The following CIC variants were observed in gnomAD, a reference collection of about 807,000 sequenced individuals.
CIC encodes capicua transcriptional repressor.
In CIC, 18 loss-of-function variants were observed where a neutral mutation model predicts 115.7. The observed-to-expected ratio is 0.16, with a 90% CI of 0.11 to 0.23. CIC has a LOEUF of 0.23. CIC is among the 10% of genes least tolerant of loss of function. The probability of loss-of-function intolerance (pLI) is 1.00; values close to 1 mark genes in which losing one functional copy is unlikely to be tolerated. For synonymous variants in CIC, 1,076 were observed against 923.0 expected, an observed-to-expected ratio of 1.17 and a Z score of -3.01; for missense variants, 2,000 against 2,159.3, an observed-to-expected ratio of 0.93 and a Z score of 1.46.
intron 2 of CIC, among the ~76,000 whole-genome samples, chr19:42,275,301 C>T (rs2036931418): frequency 6.6e-6 from 1 of 152,224 alleles, no homozygotes; most frequent in South Asian, 2.1e-4. Context: ...ACATCACAGG[C>T]ACGGCCATGG....
intron 2 of CIC, chr19:42,284,831 A>C: frequency 7.2e-7 from 1 of 1,393,998 alleles, no homozygotes; most frequent in Non-Finnish European, 9.9e-7. Context: ...CTAAGTGCGG[A>C]GTAACGGTGG....
At position 42,270,193 on chromosome 19, in the gene CIC, G is replaced by A. The variant is rs1295279232; in HGVS notation, c.-11+812G>A. Among the ~76,000 whole-genome samples the A allele has an allele frequency of 2.0e-5, 3 of 152,196 alleles. No individual in the cohort carries two copies. On this transcript the variant is annotated intron_variant, in intron 1 of 20. Transcript: ENST00000681038. This position sits in a 1 kb window ranked among gnomAD's most constrained non-coding sequence, Gnocchi z 4.1. ...AGTGGGTCAGCGGGTATTAGGTGGT[G>A]ATGGCTGCCCAACTTCTGGGCATTT...
chr19:42,286,239 A>T (rs2037630074), intron 2 of CIC, among the ~76,000 whole-genome samples: 1 of 152,112 alleles, frequency 6.6e-6, no homozygotes, highest in African/African-American at 2.4e-5. Context: ...CCACAGTTGT[A>T]AGAGACCCCA....
Position 42,292,913 on chromosome 19 carries a change from C to G in CIC, c.6197-43C>G, listed in dbSNP as rs752043286. 5.6e-6 allele frequency: 9 copies of G among 1,613,878 alleles called. No individual in the cohort carries two copies. The Admixed American group carries it at 1.0e-4, about 18-fold the overall frequency. The stretch of plus-strand genomic sequence containing the variant: ...TGAGTTGGGGGACCCAGGGGATGGG[C>G]TCCAGTCAGGCCTGGCTCAGCAAAC... On this transcript the variant is annotated intron_variant, in intron 15 of 20. Coordinates refer to ENST00000681038, the MANE Select transcript of CIC (RefSeq NM_001386298.1).
Position 42,290,764 on chromosome 19 carries a change from C to T in CIC, c.4723C>T (p.Arg1575Cys), listed in dbSNP as rs1407703282. The T allele has an allele frequency of 1.6e-5, 25 of 1,611,978 alleles. No individual in the cohort carries two copies. Among genetic ancestry groups the T allele is most frequent in the Non-Finnish European group, 2.0e-5 (24 of 1,179,540 alleles). Residue 1575 changes from arginine to cysteine, a missense_variant, in exon 11 of 21, where the codon CGT becomes TGT. Coordinates refer to ENST00000681038, the MANE Select transcript of CIC (RefSeq NM_001386298.1). Reference sequence around the variant, plus strand: ...TGGGGCCCCAGCAGCTCCCCTGTCCCGTCCTGCCGCCACCATGGTCACCAA... The same window carrying T: ...TGGGGCCCCAGCAGCTCCCCTGTCCTGTCCTGCCGCCACCATGGTCACCAA... The part of the protein sequence containing the change: ...AYGAPAAPLS[R>C]PAATMVTNVV...
Position 42,291,360 on chromosome 19 carries a change from C to G in CIC, c.5319C>G (p.Phe1773Leu). The G allele has an allele frequency of 6.2e-7, 1 of 1,612,824 alleles. No homozygotes were observed. Among genetic ancestry groups the G allele is most frequent in the Non-Finnish European group, 8.5e-7 (1 of 1,179,950 alleles). ...SGPAPTTSIR[F>L]TLPPGTSTNG... ...CTGCACCCACCACCAGCATCCGTTTCACCCTCCCACCGGGCACTTCCACCA... is the reference window on the plus strand; with the variant it reads ...CTGCACCCACCACCAGCATCCGTTTGACCCTCCCACCGGGCACTTCCACCA... The change falls in exon 11 of 21, where the codon TTC (phenylalanine) becomes TTG (leucine). Residue 1773 changes from phenylalanine to leucine, a missense_variant. By Grantham distance (22) the Phe-to-Leu change is conservative. Around this residue, in one of 8 missense-constraint regions of CIC, gnomAD observed 1,466 missense variants for 1,390.4 expected, o/e 1.05. Transcript: ENST00000681038.
chr19:42,276,162 T>C (rs1204269201), intron 2 of CIC, among the ~76,000 whole-genome samples: 2 of 152,184 alleles, frequency 1.3e-5, no homozygotes, highest in African/African-American at 4.8e-5. Context: ...AGGAAAGAGT[T>C]TGTGCAAAGG....
At chr19:42,279,767 CT>C (rs2147076152) in intron 2 of CIC, among the ~76,000 whole-genome samples, 1 of 152,306 alleles carries the variant, frequency 6.6e-6, no homozygotes, top group South Asian at 2.1e-4. Flanking sequence ...TCAGAGACCC[CT>C]GGAGACCGCC....
At position 42,272,760 on chromosome 19, in the gene CIC, A is replaced by G; in HGVS notation, c.977A>G (p.Glu326Gly). 1 of 398,814 alleles carries G rather than the reference A, an allele frequency of 2.5e-6. No individual in the cohort carries two copies. Among genetic ancestry groups the G allele is most frequent in the African/African-American group, 2.1e-5 (1 of 48,728 alleles). 24.7% of individuals were successfully genotyped at this position (398,814 alleles called of 1,614,324 possible). A position where few individuals can be genotyped will look rare whatever the true frequency, so the allele number is the denominator to read the frequency against. The change falls in exon 2 of 21, where the codon GAG becomes GGG. Residue 326 changes from glutamate (E) to glycine (G), a missense_variant. This residue lies in a region of CIC where 222 missense variants were observed against 247.7 expected (regional missense o/e 0.90). Transcript: ENST00000681038. ...CCACAGCCACTGCACCGTGAGCCAG[A>G]GGAGGCTGTGTGGGTGGCCCGCTCC... ...QPPQPLHREP[E>G]EAVWVARSSL...
In CIC at chr19:42,281,908, G is replaced by A. The variant is rs576891405; in HGVS notation, c.2795-4863G>A. On this transcript the variant is annotated intron_variant, in intron 2 of 20. Coordinates refer to ENST00000681038, the MANE Select transcript of CIC (RefSeq NM_001386298.1). ...CTCTTTTTCTCAACCAACAGAAGTC[G>A]GGGATCTGGGGGGCAGAGCTCCTCT... Among the ~76,000 whole-genome samples the A allele has an allele frequency of 5.3e-5, 8 of 152,310 alleles. No individual in the cohort carries two copies. The East Asian group carries it at 9.6e-4, about 18-fold the overall frequency.
chr19:42,286,226 A>G (rs1047844657), intron 2 of CIC, among the ~76,000 whole-genome samples: 2 of 152,056 alleles, frequency 1.3e-5, no homozygotes, highest in African/African-American at 4.8e-5. Flanking sequence ...GACCTCTCCC[A>G]CACCACAGTT....
chr19:42,286,181 CTGTGTT>C (rs1486315321), intron 2 of CIC, among the ~76,000 whole-genome samples: 3 of 152,132 alleles, frequency 2.0e-5, no homozygotes, highest in Non-Finnish European at 4.4e-5. Context: ...GTCTGGCACT[CTGTGTT>C]TGTGGTGGGG....
Position 42,269,291 on chromosome 19 carries a change from G to A in CIC, c.-101G>A, listed in dbSNP as rs1180609810. The A allele has an allele frequency of 6.7e-6, 1 of 149,958 alleles. No homozygotes were observed. The highest frequency in any genetic ancestry group is 1.5e-5 in the Non-Finnish European group (1 of 67,300). 9.3% of individuals were successfully genotyped at this position (149,958 alleles called of 1,614,324 possible). A position where few individuals can be genotyped will look rare whatever the true frequency, so the allele number is the denominator to read the frequency against. On this transcript the variant is annotated 5_prime_UTR_variant, in exon 1 of 21. Coordinates refer to ENST00000681038, the MANE Select transcript of CIC (RefSeq NM_001386298.1). Reference sequence around the variant, plus strand: ...TGGAGTAAAAAAAAAAGGGAGAATCGAGAGGGAGAGCCGGAGGGGGGGCGG... The same window carrying A: ...TGGAGTAAAAAAAAAAGGGAGAATCAAGAGGGAGAGCCGGAGGGGGGGCGG...
In CIC at chr19:42,287,217, G is replaced by A. The variant is rs2147184459; in HGVS notation, c.3156G>A (p.Glu1052=). 2.5e-6 allele frequency: 4 copies of A among 1,613,844 alleles called. No individual in the cohort carries two copies. Among genetic ancestry groups the A allele is most frequent in the Non-Finnish European group, 3.4e-6 (4 of 1,179,940 alleles). Residue 1052 remains glutamate (E), a synonymous_variant, in exon 4 of 21, where the codon GAG becomes GAA. Transcript: ENST00000681038. The surrounding 1 kb of genome is among the most constrained non-coding windows in gnomAD (Gnocchi z 8.7). ...GPPGEPRLDS[E]TESDHDDAFL... ...CAGGAGAGCCCCGGCTGGACAGTGA[G>A]ACAGAGAGTGACCATGATGATGCGT...
At chr19:42,284,567 CG>C (rs531450546) in intron 2 of CIC, 18,095 of 120,326 alleles carry the variant, frequency 0.15, 17 homozygotes, top group Middle Eastern at 0.18. Context: ...AGGGGGGCGG[CG>C]GGGGGGGGGG....
At chr19:42,286,346 T>C (rs1019955134) in intron 2 of CIC, among the ~76,000 whole-genome samples, 2 of 151,620 alleles carry the variant, frequency 1.3e-5, no homozygotes, top group African/African-American at 4.8e-5. Context: ...GGTGAGACGC[T>C]GTGTTGGGCG....
upstream of CIC, among the ~76,000 whole-genome samples, chr19:42,268,845 A>AC (rs1439550472): frequency 2.0e-5 from 3 of 152,126 alleles, no homozygotes; most frequent in African/African-American, 7.2e-5. Flanking sequence ...TCATTGGACA[A>AC]CCCGTCCCTT....
rs1165002513 is a variant in CIC at position 42,291,476 on chromosome 19, G to C, written c.5425+10G>C. 1 of 1,613,110 alleles carries C rather than the reference G, an allele frequency of 6.2e-7. No homozygotes were observed. Among genetic ancestry groups the C allele is most frequent in the Non-Finnish European group, 8.5e-7 (1 of 1,179,976 alleles). On this transcript the variant is annotated intron_variant, in intron 11 of 20. Coordinates refer to ENST00000681038, the MANE Select transcript of CIC (RefSeq NM_001386298.1). Reference sequence around the variant, plus strand: ...GCCCCACCCCCCAAAGGTGAGACCTGGGCCGGGCAGCACTAGGGGAGGGGC... The same window carrying C: ...GCCCCACCCCCCAAAGGTGAGACCTCGGCCGGGCAGCACTAGGGGAGGGGC...
At chr19:42,294,566 C>G in intron 19 of CIC, 38 bp from the exon 20 acceptor site, 1 of 1,611,674 alleles carries the variant, frequency 6.2e-7, no homozygotes, top group African/African-American at 1.3e-5. Context: ...GGCCCTGCCG[C>G]TGCTGCAGCC....
Sources: gnomAD v4.1 joint callset for allele counts (sites outside exome capture counted in the v4.1 genomes callset) on GRCh38, gnomAD v4.1.1 for gene constraint, gnomAD v4.1.1 regional missense constraint, Gnocchi (gnomAD v3.1) non-coding constraint, MANE v1.5 for transcripts, NCBI Gene and HGNC (gene_info 2026-07-23, HGNC 2026-07-21) for gene names.